Variants in MAPRE2 observed in about 807,000 individuals in gnomAD.
MAPRE2 encodes microtubule associated protein RP/EB family member 2.
Under a neutral mutation model 43.2 loss-of-function variants are expected in MAPRE2, and 13 were observed. That is an observed-to-expected ratio of 0.30 (90% CI 0.20 to 0.48). The LOEUF (loss-of-function observed/expected upper bound fraction) is 0.48, where lower values mean the gene tolerates loss of function less well. MAPRE2 is among the 20% of genes least tolerant of loss of function. The pLI is 0.99. For synonymous variants in MAPRE2, 135 were observed against 148.8 expected, an observed-to-expected ratio of 0.91 and a Z score of 0.68; for missense variants, 161 against 400.2, an observed-to-expected ratio of 0.40 and a Z score of 5.10.
chr18:35,122,415 T>C (rs1052522611), intron 4 of MAPRE2, among the ~76,000 whole-genome samples: 1 of 152,216 alleles, frequency 6.6e-6, no homozygotes, highest in Non-Finnish European at 1.5e-5. Flanking sequence ...CATTTATTCA[T>C]TTGAAGGTAA....
chr18:35,135,982 G>A (rs1416389705), intron 6 of MAPRE2, among the ~76,000 whole-genome samples: 1 of 152,226 alleles, frequency 6.6e-6, no homozygotes, highest in Non-Finnish European at 1.5e-5. Context: ...TTGCTGGGGA[G>A]ATCTCTTCCC....
At chr18:35,005,583 C>T (rs2097031493) in intron 2 of MAPRE2, 8 of 1,385,926 alleles carry the variant, frequency 5.8e-6, no homozygotes, top group Non-Finnish European at 7.8e-6. Context: ...CGTTGCATGA[C>T]TCCTTGCTTA....
At chr18:35,100,612 AC>A (rs1908630523) in intron 3 of MAPRE2, among the ~76,000 whole-genome samples, 1 of 152,212 alleles carries the variant, frequency 6.6e-6, no homozygotes, top group South Asian at 2.1e-4. Flanking sequence ...ACACATATAC[AC>A]CATGGAATAC....
At chr18:35,091,545 C>T (rs896480249) in intron 2 of MAPRE2, among the ~76,000 whole-genome samples, 2 of 152,142 alleles carry the variant, frequency 1.3e-5, no homozygotes, top group African/African-American at 4.8e-5. Flanking sequence ...GCATTCTTCA[C>T]AGAAAGAGAA....
At chr18:35,132,320 A>G in intron 6 of MAPRE2, 130 bp downstream of exon 6, 1 of 755,378 alleles carries the variant, frequency 1.3e-6, no homozygotes. Context: ...AGTGCACCTG[A>G]TAGTCCCAAA....
intron 4 of MAPRE2, among the ~76,000 whole-genome samples, chr18:35,115,524 AC>A (rs1420737866): frequency 6.6e-6 from 1 of 151,754 alleles, no homozygotes; most frequent in Non-Finnish European, 1.5e-5. Flanking sequence ...TCAGCCCCCA[AC>A]CTTCCCCACC....
At chr18:34,991,482 C>A (rs951878715) in intron 1 of MAPRE2, among the ~76,000 whole-genome samples, 1 of 152,182 alleles carries the variant, frequency 6.6e-6, no homozygotes, top group Non-Finnish European at 1.5e-5. Flanking sequence ...TTACCCACAG[C>A]TCTCACAATT....
intron 1 of MAPRE2, among the ~76,000 whole-genome samples, chr18:35,045,443 T>A (rs1568982175): frequency 8.1e-6 from 1 of 124,174 alleles, no homozygotes; most frequent in East Asian, 2.1e-4. Context: ...TCTGAATACT[T>A]TAAAAAAAAA....
intron 1 of MAPRE2, among the ~76,000 whole-genome samples, chr18:35,056,317 T>C (rs1425325205): frequency 6.6e-6 from 1 of 152,194 alleles, no homozygotes; most frequent in East Asian, 1.9e-4. Context: ...ATTATGCTTA[T>C]TATTATAACA....
At chr18:34,977,602 G>A (rs1053532571) in intron 1 of MAPRE2, among the ~76,000 whole-genome samples, 2 of 152,184 alleles carry the variant, frequency 1.3e-5, no homozygotes, top group South Asian at 4.1e-4. Flanking sequence ...GCGCGCTTGG[G>A]AGCATCCCCT....
At chr18:35,089,676 C>T (rs555370173) in intron 2 of MAPRE2, among the ~76,000 whole-genome samples, 2 of 152,284 alleles carry the variant, frequency 1.3e-5, no homozygotes, top group East Asian at 3.9e-4. Context: ...GTGGAGCCCT[C>T]ATCTGTTGCT....
At chr18:35,115,736 G>A (rs1216793484) in intron 4 of MAPRE2, among the ~76,000 whole-genome samples, 1 of 152,178 alleles carries the variant, frequency 6.6e-6, no homozygotes, top group Non-Finnish European at 1.5e-5. Context: ...ATTCCGTGAT[G>A]TATATATACC....
chr18:35,089,919 G>A (rs1908063016), intron 2 of MAPRE2, among the ~76,000 whole-genome samples: 1 of 152,000 alleles, frequency 6.6e-6, no homozygotes, highest in South Asian at 2.1e-4. Flanking sequence ...AGTAAAATGT[G>A]GTAATTCATA....
chr18:35,031,828 G>T (rs1243859858), intron 2 of MAPRE2, among the ~76,000 whole-genome samples: 1 of 152,108 alleles, frequency 6.6e-6, no homozygotes, highest in Non-Finnish European at 1.5e-5. Flanking sequence ...GTGCATGTTG[G>T]TTTTGAAGAG....
chr18:35,069,393 A>AG (rs1362489977), intron 1 of MAPRE2, among the ~76,000 whole-genome samples: 4 of 151,732 alleles, frequency 2.6e-5, no homozygotes, highest in Admixed American at 2.6e-4. Flanking sequence ...TTTTTTTAAA[A>AG]ATTATTTTTC....
intron 1 of MAPRE2, among the ~76,000 whole-genome samples, chr18:35,054,619 C>T (rs926742946): frequency 2.0e-5 from 3 of 152,134 alleles, no homozygotes; most frequent in East Asian, 1.9e-4. Flanking sequence ...TGAACGGAAG[C>T]CAAATACTAA....
Position 35,140,600 on chromosome 18 carries a change from A to G in MAPRE2, c.*231A>G, listed in dbSNP as rs1436807512. Reference sequence around the variant, plus strand: ...CCCGAGAGATCGTAGGGTCACATACATCCAACTTCACCACTTGGCTGCTTG... The same window carrying G: ...CCCGAGAGATCGTAGGGTCACATACGTCCAACTTCACCACTTGGCTGCTTG... On this transcript the variant is annotated 3_prime_UTR_variant, in exon 7 of 7. Coordinates refer to ENST00000300249, the MANE Select transcript of MAPRE2 (RefSeq NM_014268.4). 16 of 498,390 alleles carry G rather than the reference A, an allele frequency of 3.2e-5. No homozygotes were observed. The highest frequency in any genetic ancestry group is 7.3e-5 in the South Asian group (2 of 27,242). 30.9% of individuals were successfully genotyped at this position (498,390 alleles called of 1,614,324 possible). A position where few individuals can be genotyped will look rare whatever the true frequency, so the allele number is the denominator to read the frequency against.
intron 4 of MAPRE2, among the ~76,000 whole-genome samples, chr18:35,125,237 A>G (rs189432268): frequency 5.1e-4 from 77 of 152,312 alleles, no homozygotes; most frequent in Non-Finnish European, 5.9e-5. Flanking sequence ...TATAAATTTT[A>G]TGGTCTTTCT....
intron 6 of MAPRE2, among the ~76,000 whole-genome samples, chr18:35,132,598 T>C (rs920706720): frequency 7.9e-5 from 12 of 152,160 alleles, no homozygotes; most frequent in African/African-American, 2.7e-4. Flanking sequence ...GCCCCATAAT[T>C]GACTGTTTTT....
Sources: gnomAD v4.1 joint callset for allele counts (sites outside exome capture counted in the v4.1 genomes callset) on GRCh38, gnomAD v4.1.1 for gene constraint, MANE v1.5 for transcripts, NCBI Gene and HGNC (gene_info 2026-07-23, HGNC 2026-07-21) for gene names.